The following PTPN13 variants were observed in gnomAD, a reference collection of about 807,000 sequenced individuals.
PTPN13 encodes the protein protein tyrosine phosphatase non-receptor type 13, also known as tyrosine-protein phosphatase non-receptor type 13.
Under a neutral mutation model 284.0 loss-of-function variants are expected in PTPN13, and 191 were observed. The ratio of observed to expected loss-of-function variants is 0.67; its 90% CI spans 0.60 to 0.76. PTPN13 has a LOEUF of 0.76. PTPN13 is among the 30% of genes least tolerant of loss of function. PTPN13 has a pLI of 0.00. For missense variants in PTPN13, 2,797 were observed against 2,939.9 expected, an observed-to-expected ratio of 0.95 and a Z score of 1.12; for synonymous variants, 986 against 1,022.3, an observed-to-expected ratio of 0.96 and a Z score of 0.68.
intron 1 of PTPN13, among the ~76,000 whole-genome samples, chr4:86,619,941 A>T (rs1349727915): frequency 6.6e-6 from 1 of 151,940 alleles, no homozygotes. Flanking sequence ...ATTCAATAAC[A>T]TTATTGTGTT....
intron 2 of PTPN13, among the ~76,000 whole-genome samples, chr4:86,644,110 C>G (rs1292773940): frequency 1.3e-5 from 2 of 151,888 alleles, no homozygotes; most frequent in Non-Finnish European, 2.9e-5. Flanking sequence ...CCGAATTGTC[C>G]TATATCTATT....
intron 28 of PTPN13, among the ~76,000 whole-genome samples, chr4:86,769,099 G>A (rs1739680543): frequency 6.6e-6 from 1 of 151,742 alleles, no homozygotes. Flanking sequence ...ATTATTTTCT[G>A]GTTATTGTTC....
intron 17 of PTPN13, among the ~76,000 whole-genome samples, chr4:86,749,916 A>G (rs188904781): frequency 7.2e-5 from 11 of 152,356 alleles, no homozygotes; most frequent in African/African-American, 2.4e-4. Flanking sequence ...TTATTGAGAT[A>G]CAATTCAATA....
rs1327872535 is a variant in PTPN13, at chr4:86,771,381, A to C, written c.5014A>C (p.Asn1672His). ...DLVTAPANIS[N>H]STWSSALHQT... ...AGTGACAGCTCCAGCAAACATATCA[A>C]ATTCGACCTGGAGTTCAGCTTTGCA... is the stretch of plus-strand genomic sequence containing the variant. Residue 1672 changes from asparagine to histidine, a missense_variant, in exon 31 of 48, where the codon AAT (asparagine) becomes CAT (histidine). Transcript: ENST00000411767. The C allele has an allele frequency of 1.3e-6, 2 of 1,572,292 alleles. No homozygotes were observed. The highest frequency in any genetic ancestry group is 2.3e-5 in the East Asian group (1 of 42,792).
intron 28 of PTPN13, among the ~76,000 whole-genome samples, chr4:86,768,742 G>A (rs1429411668): frequency 2.3e-5 from 3 of 127,844 alleles, no homozygotes; most frequent in Non-Finnish European, 3.1e-5. Flanking sequence ...ACAGAGTCTC[G>A]TTCTGTTGCC....
chr4:86,629,068 A>G, intron 1 of PTPN13, among the ~76,000 whole-genome samples: 1 of 151,806 alleles, frequency 6.6e-6, no homozygotes, highest in East Asian at 1.9e-4. Flanking sequence ...CACCAAAAGC[A>G]ATGGCAACAA....
At chr4:86,673,170 G>A (rs1013308879) in intron 3 of PTPN13, among the ~76,000 whole-genome samples, 1 of 152,154 alleles carries the variant, frequency 6.6e-6, no homozygotes, top group Non-Finnish European at 1.5e-5. Flanking sequence ...AATAGGCCAT[G>A]GGACTGGTAT....
At chr4:86,673,568 C>T (rs1188873621) in intron 3 of PTPN13, among the ~76,000 whole-genome samples, 1 of 152,144 alleles carries the variant, frequency 6.6e-6, no homozygotes, top group African/African-American at 2.4e-5. Context: ...GAACTTGAGG[C>T]TTTCTTCTTA....
chr4:86,610,600 A>G lies in PTPN13; in HGVS notation c.-6+15811A>G, dbSNP rs578139223. 2.6e-5 allele frequency among the ~76,000 whole-genome samples: 4 copies of G among 152,254 alleles called. No homozygotes were observed. The East Asian group carries it at 7.7e-4, about 29-fold the overall frequency. The stretch of plus-strand genomic sequence containing the variant: ...AAGTGGGAAGCTACTATCCACCTTG[A>G]GTGCTGCCACATCTCCTATTTTTCC... On this transcript the variant is annotated intron_variant, in intron 1 of 47. Coordinates refer to ENST00000411767, the MANE Select transcript of PTPN13 (RefSeq NM_080683.3).
chr4:86,710,555 A>G (rs1732275461), intron 7 of PTPN13, among the ~76,000 whole-genome samples: 1 of 152,246 alleles, frequency 6.6e-6, no homozygotes, highest in African/African-American at 2.4e-5. Context: ...TCTCCTAAAC[A>G]TTTAAAGTAT....
At chr4:86,793,506 A>C (rs905335675) in intron 40 of PTPN13, among the ~76,000 whole-genome samples, 1 of 152,252 alleles carries the variant, frequency 6.6e-6, no homozygotes, top group East Asian at 1.9e-4. Flanking sequence ...AAGTGGACGT[A>C]ATAGATATTT....
chr4:86,799,238 A>G, intron 42 of PTPN13, 34 bp downstream of exon 42: 1 of 1,321,982 alleles, frequency 7.6e-7, no homozygotes, highest in Non-Finnish European at 1.0e-6. Flanking sequence ...TTCCTCAAAA[A>G]TAATGAATTG....
At chr4:86,598,068 A>G (rs1763981618) in intron 1 of PTPN13, among the ~76,000 whole-genome samples, 1 of 152,106 alleles carries the variant, frequency 6.6e-6, no homozygotes, top group Non-Finnish European at 1.5e-5. Flanking sequence ...TGTCTGACAA[A>G]TATGTATCCA....
At chr4:86,653,881 G>C (rs910173592) in intron 2 of PTPN13, among the ~76,000 whole-genome samples, 4 of 152,188 alleles carry the variant, frequency 2.6e-5, no homozygotes, top group Non-Finnish European at 5.9e-5. Flanking sequence ...CTGTGGTGCA[G>C]ATACGAATAT....
At chr4:86,775,716 A>G in intron 35 of PTPN13, 64 bp downstream of exon 35, 1 of 1,217,764 alleles carries the variant, frequency 8.2e-7, no homozygotes, top group East Asian at 2.5e-5. Context: ...CATTGATTAT[A>G]CTTCATTCTC....
chr4:86,629,749 A>G (rs574913765), intron 1 of PTPN13, among the ~76,000 whole-genome samples: 1 of 152,168 alleles, frequency 6.6e-6, no homozygotes, highest in Admixed American at 6.5e-5. Context: ...TACATTAAAA[A>G]TTCTAAAACC....
intron 47 of PTPN13, among the ~76,000 whole-genome samples, chr4:86,813,556 T>A (rs1479629679): frequency 6.6e-6 from 1 of 152,144 alleles, no homozygotes. Context: ...GTGATTCTCC[T>A]GCCTCACCTT....
Position 86,710,747 on chromosome 4 carries a change from G to T in PTPN13, c.1196-5783G>T, listed in dbSNP as rs116106445. The stretch of plus-strand genomic sequence containing the variant: ...ATATAATAGAGTCACTGTGAATTTT[G>T]TTCAGAGGATAAGATTACAGATAAA... On this transcript the variant is annotated intron_variant, in intron 7 of 47. Coordinates refer to ENST00000411767, the MANE Select transcript of PTPN13 (RefSeq NM_080683.3). Among the ~76,000 whole-genome samples, 550 of 152,214 alleles carry T rather than the reference G, an allele frequency of 3.6e-3. 4 individuals are homozygous for T. Among genetic ancestry groups the T allele is most frequent in the African/African-American group, 0.013 (522 of 41,538 alleles).
At chr4:86,602,694 ATT>A (rs202040513) in intron 1 of PTPN13, among the ~76,000 whole-genome samples, 48 of 138,026 alleles carry the variant, frequency 3.5e-4, no homozygotes, top group Admixed American at 9.5e-4. Flanking sequence ...TATTTTTCTG[ATT>A]TTTTTTTTTT....
Sources: gnomAD v4.1 joint callset for allele counts (sites outside exome capture counted in the v4.1 genomes callset) on GRCh38, gnomAD v4.1.1 for gene constraint, MANE v1.5 for transcripts, NCBI Gene and HGNC (gene_info 2026-07-23, HGNC 2026-07-21) for gene names.